Variants in ZNF469 observed in about 807,000 individuals in gnomAD.
ZNF469 encodes zinc finger protein 469.
In ZNF469, 1 loss-of-function variant was observed where a neutral mutation model predicts 1.0. That is an observed-to-expected ratio of 1.00 (90% CI 0.35 to 4.73). The LOEUF is 4.73. ZNF469 is among the 30% of genes most tolerant of loss of function. The pLI is 0.16. For synonymous variants in ZNF469, 2,703 were observed against 2,363.4 expected, an observed-to-expected ratio of 1.14 and a Z score of -4.17; for missense variants, 6,100 against 5,356.3, an observed-to-expected ratio of 1.14 and a Z score of -4.33.
the ZNF469 span, among the ~76,000 whole-genome samples, chr16:88,247,548 A>AG: frequency 1.3e-3 from 96 of 74,580 alleles, no homozygotes; most frequent in Middle Eastern, 0.029. Context: ...GAATGAGTGA[A>AG]TGAATGAGTG....
chr16:88,399,591 A>G (rs932017634), intron 1 of ZNF469, among the ~76,000 whole-genome samples: 3 of 152,210 alleles, frequency 2.0e-5, no homozygotes, highest in African/African-American at 7.2e-5. Context: ...CAAGAGCCAG[A>G]AATGAGTATC....
At chr16:88,163,501 GA>G in the ZNF469 span, among the ~76,000 whole-genome samples, 1 of 8,738 alleles carries the variant, frequency 1.1e-4, no homozygotes, top group African/African-American at 2.9e-4. Context: ...TGGATGAATG[GA>G]TGGATGGATG....
the ZNF469 span, among the ~76,000 whole-genome samples, chr16:88,263,091 C>G: frequency 6.6e-6 from 1 of 152,220 alleles, no homozygotes; most frequent in African/African-American, 2.4e-5. Context: ...TGTATGAGAA[C>G]TAGGAGTCTC....
chr16:88,386,070 C>T (rs544793587), intron 1 of ZNF469, among the ~76,000 whole-genome samples: 1 of 152,296 alleles, frequency 6.6e-6, no homozygotes, highest in South Asian at 2.1e-4. Context: ...CACAAGCGGC[C>T]CGGTCCCGTG....
chr16:88,315,768 G>C, the ZNF469 span, among the ~76,000 whole-genome samples: 1 of 152,326 alleles, frequency 6.6e-6, no homozygotes, highest in Admixed American at 6.5e-5. Flanking sequence ...GCCTGGGTTG[G>C]TTTCCAAGAC....
chr16:88,242,909 G>A, the ZNF469 span, among the ~76,000 whole-genome samples: 1 of 152,222 alleles, frequency 6.6e-6, no homozygotes, highest in African/African-American at 2.4e-5. Flanking sequence ...GGGAAACCAT[G>A]AGTCAAGGAA....
chr16:88,141,212 TTC>T, the ZNF469 span, among the ~76,000 whole-genome samples: 1 of 152,254 alleles, frequency 6.6e-6, no homozygotes, highest in African/African-American at 2.4e-5. Context: ...GGAAAAGACT[TTC>T]TACCCCAAAT....
chr16:88,267,268 G>A, the ZNF469 span, among the ~76,000 whole-genome samples: 11 of 152,280 alleles, frequency 7.2e-5, no homozygotes, highest in East Asian at 1.9e-4. Flanking sequence ...GCCTCCACCC[G>A]TCACCACATC....
the ZNF469 span, among the ~76,000 whole-genome samples, chr16:88,118,099 C>T: frequency 0.011 from 1,647 of 152,278 alleles, 31 homozygotes; most frequent in African/African-American, 0.038. Flanking sequence ...CCCGCCACCA[C>T]ACCTGGCTAA....
At chr16:88,127,306 G>C in the ZNF469 span, among the ~76,000 whole-genome samples, 10 of 152,168 alleles carry the variant, frequency 6.6e-5, no homozygotes, top group African/African-American at 2.2e-4. Context: ...GTATGAGTTT[G>C]ACGTCATTCT....
At chr16:88,208,489 G>A in the ZNF469 span, among the ~76,000 whole-genome samples, 4 of 116,326 alleles carry the variant, frequency 3.4e-5, no homozygotes, top group East Asian at 6.4e-4. Flanking sequence ...AGGGAGGGAG[G>A]GAGAGAAAGG....
the ZNF469 span, among the ~76,000 whole-genome samples, chr16:88,153,410 G>A: frequency 0.023 from 3,528 of 152,322 alleles, 142 homozygotes; most frequent in African/African-American, 0.081. Flanking sequence ...CCTTGGTATC[G>A]GTGATGCTAC....
At chr16:88,414,029 C>G (rs1905243438) in intron 1 of ZNF469, among the ~76,000 whole-genome samples, 2 of 152,110 alleles carry the variant, frequency 1.3e-5, no homozygotes, top group South Asian at 4.1e-4. Context: ...CGTCTGGGAC[C>G]CTCAGCATCC....
chr16:88,332,533 C>G, the ZNF469 span, among the ~76,000 whole-genome samples: 3 of 152,262 alleles, frequency 2.0e-5, no homozygotes, highest in Admixed American at 6.5e-5. Flanking sequence ...TAATTTGGCT[C>G]TGAATCTGAC....
the ZNF469 span, among the ~76,000 whole-genome samples, chr16:88,247,204 GAGTGAGGGAATA>G: frequency 4.0e-5 from 6 of 150,000 alleles, no homozygotes; most frequent in South Asian, 2.1e-4. Flanking sequence ...GCGAGTGAAT[GAGTGAGGGAATA>G]AGTGAGTGAA....
chr16:88,429,208 C>G lies in ZNF469; in HGVS notation c.1738C>G (p.Pro580Ala). 1 of 1,549,890 alleles carries G rather than the reference C, an allele frequency of 6.5e-7. No homozygotes were observed. The highest frequency in any genetic ancestry group is 8.7e-7 in the Non-Finnish European group (1 of 1,146,842). Residue 580 changes from proline to alanine, a missense_variant, in exon 3 of 3, where the codon CCA becomes GCA. Physicochemically the swap from Pro to Ala is conservative, Grantham distance 27. Transcript: ENST00000565624. ...VSPHGTPSLP[P>A]PRVVGASPSE... ...ACCCCACGGGACACCCAGCCTGCCCCCACCGAGGGTAGTGGGAGCCTCCCC... is the reference window on the plus strand; with the variant it reads ...ACCCCACGGGACACCCAGCCTGCCCGCACCGAGGGTAGTGGGAGCCTCCCC...
Position 88,436,172 on chromosome 16 carries a change from C to A in ZNF469, c.8702C>A (p.Pro2901His). Reference sequence around the variant, plus strand: ...CCCAGCTTTGAGGAGGGCGGTGACCCCACGCTGGGCCCAGCCCGCCTGCCC... The same window carrying A: ...CCCAGCTTTGAGGAGGGCGGTGACCACACGCTGGGCCCAGCCCGCCTGCCC... ...TQPSFEEGGD[P>H]TLGPARLPTD... is the part of the protein sequence containing the mutation. The change falls in exon 3 of 3, where the codon CCC (proline) becomes CAC (histidine). Residue 2901 changes from proline (P) to histidine (H), a missense_variant. Pro to His is a moderately conservative substitution (Grantham distance 77, BLOSUM62 -2). Transcript: ENST00000565624. The A allele has an allele frequency of 6.5e-7, 1 of 1,547,700 alleles. No individual in the cohort carries two copies. The highest frequency in any genetic ancestry group is 8.7e-7 in the Non-Finnish European group (1 of 1,146,954).
the ZNF469 span, among the ~76,000 whole-genome samples, chr16:88,248,445 C>T: frequency 5.3e-5 from 8 of 152,180 alleles, no homozygotes; most frequent in Non-Finnish European, 7.3e-5. Context: ...GGCACAGTGG[C>T]TCATGCTTGT....
the ZNF469 span, among the ~76,000 whole-genome samples, chr16:88,240,319 T>G: frequency 1.3e-5 from 2 of 152,122 alleles, no homozygotes; most frequent in African/African-American, 4.8e-5. Context: ...ATTCCTCTAA[T>G]AATCGTGTGA....
Sources: gnomAD v4.1 joint callset for allele counts (sites outside exome capture counted in the v4.1 genomes callset) on GRCh38, gnomAD v4.1.1 for gene constraint, MANE v1.5 for transcripts, NCBI Gene and HGNC (gene_info 2026-07-23, HGNC 2026-07-21) for gene names.